The following DMD variants were observed in gnomAD, a reference collection of about 807,000 sequenced individuals.
DMD encodes the protein mutant dystrophin.
A neutral mutation model predicts 330.1 loss-of-function variants in DMD; 63 were observed. The ratio of observed to expected loss-of-function variants is 0.19; its 90% CI spans 0.16 to 0.24. The LOEUF is 0.24. Ranked by LOEUF, DMD falls within the 10% of genes least tolerant of loss-of-function variation. The pLI, the probability that DMD is intolerant of heterozygous loss-of-function variation, is 1.00. For synonymous variants in DMD, 1,223 were observed against 959.8 expected (o/e 1.27, Z -5.07); for missense variants, 3,344 against 2,684.1 (o/e 1.25, Z -5.43).
intron 2 of DMD, among the ~76,000 whole-genome samples, chrX:32,981,060 T>C (rs2092695642): frequency 9.0e-6 from 1 of 111,539 alleles, no homozygotes; most frequent in Non-Finnish European, 1.9e-5. Flanking sequence ...CTTTCTTAAT[T>C]GGAGTACATG....
intron 43 of DMD, among the ~76,000 whole-genome samples, chrX:32,268,626 T>C (rs1001070921): frequency 6.3e-5 from 7 of 111,630 alleles, no homozygotes; most frequent in Non-Finnish European, 1.3e-4. Context: ...CACATCCTTG[T>C]CTCAGGATTT....
chrX:32,838,619 TACC>T (rs1180288401), intron 4 of DMD, among the ~76,000 whole-genome samples: 3 of 112,049 alleles, frequency 2.7e-5, no homozygotes, highest in Non-Finnish European at 3.8e-5. Flanking sequence ...GGTGTATATG[TACC>T]ACATTTTCTT....
At chrX:31,140,335 G>C (rs1194349469) in intron 76 of DMD, among the ~76,000 whole-genome samples, 1 of 112,331 alleles carries the variant, frequency 8.9e-6, no homozygotes, top group Non-Finnish European at 1.9e-5. Flanking sequence ...TTAAAAAGGA[G>C]CTGTGTACAA....
rs1351121628 is a variant in DMD at position 32,342,108 on chromosome X, C to A, written c.5914G>T (p.Ala1972Ser). The A allele has an allele frequency of 3.3e-6, 4 of 1,208,104 alleles. No individual in the cohort carries two copies. Among genetic ancestry groups the A allele is most frequent in the Non-Finnish European group, 4.5e-6 (4 of 892,967 alleles). The change falls in exon 41 of 79, where the codon GCA becomes TCA. Residue 1972 changes from alanine (A) to serine (S), a missense_variant. By Grantham distance (99) the Ala-to-Ser change is moderately conservative. Transcript: ENST00000357033. ...KFAQFRRLNF[A>S]QIHTVREETM... is the part of the protein sequence containing the mutation. ...TGCCAGTAACAACTCACAATTTGTG[C>A]AAAGTTGAGTCTTCGAAACTGAGCA...
At chrX:32,674,188 G>A (rs1465939725) in intron 9 of DMD, among the ~76,000 whole-genome samples, 1 of 111,823 alleles carries the variant, frequency 8.9e-6, no homozygotes, top group Non-Finnish European at 1.9e-5. Flanking sequence ...TATAAATTTA[G>A]TTTAGTTTTA....
chrX:33,059,409 C>T (rs1372846456), intron 1 of DMD, among the ~76,000 whole-genome samples: 1 of 102,408 alleles, frequency 9.8e-6, no homozygotes, highest in African/African-American at 3.5e-5. Flanking sequence ...TCTCTCTCTC[C>T]AACTCCCAAA....
chrX:32,975,575 G>A (rs2092525975), intron 2 of DMD, among the ~76,000 whole-genome samples: 1 of 110,120 alleles, frequency 9.1e-6, no homozygotes, highest in Non-Finnish European at 1.9e-5. Context: ...AAGCATCTCT[G>A]GCACCCAGTC....
chrX:31,148,189 A>T (rs2036960646), intron 74 of DMD, among the ~76,000 whole-genome samples: 1 of 112,126 alleles, frequency 8.9e-6, no homozygotes, highest in East Asian at 2.8e-4. Flanking sequence ...AGCTTAAAAA[A>T]GATGCTGATG....
chrX:32,799,523 T>A lies in DMD; in HGVS notation c.649+9970A>T, dbSNP rs149707148. On this transcript the variant is annotated intron_variant, in intron 7 of 78. Transcript: ENST00000357033. Reference sequence around the variant, plus strand: ...TATCCCTGATTTTTTGTTTTATTCCTTTAAAGAGAACATCCTCACTTTGTT... The same window carrying A: ...TATCCCTGATTTTTTGTTTTATTCCATTAAAGAGAACATCCTCACTTTGTT... Among the ~76,000 whole-genome samples, 493 of 111,052 alleles carry A rather than the reference T, an allele frequency of 4.4e-3. 1 individual carries two copies. Among genetic ancestry groups the A allele is most frequent in the Non-Finnish European group, 7.9e-3 (416 of 52,929 alleles).
intron 7 of DMD, among the ~76,000 whole-genome samples, chrX:32,737,609 A>G (rs1336756441): frequency 1.8e-5 from 2 of 111,915 alleles, no homozygotes; most frequent in African/African-American, 3.2e-5. Flanking sequence ...CTTGGAAATT[A>G]AAAACATGTA....
intron 7 of DMD, among the ~76,000 whole-genome samples, chrX:32,798,702 T>C (rs750834761): frequency 8.9e-6 from 1 of 111,927 alleles, no homozygotes; most frequent in African/African-American, 3.2e-5. Context: ...GGATTTCTAG[T>C]TGAAATACCG....
At chrX:31,767,919 C>T (rs1294466499) in intron 51 of DMD, among the ~76,000 whole-genome samples, 1 of 111,819 alleles carries the variant, frequency 8.9e-6, no homozygotes, top group African/African-American at 3.2e-5. Context: ...ATACACTATA[C>T]CCACTAAAAC....
chrX:32,237,722 C>T (rs192865336), intron 43 of DMD, among the ~76,000 whole-genome samples: 8 of 111,807 alleles, frequency 7.2e-5, no homozygotes, highest in Admixed American at 9.5e-5. Context: ...AAATTTTCCA[C>T]GCATTTTTGA....
intron 44 of DMD, among the ~76,000 whole-genome samples, chrX:32,179,439 T>A (rs1052569981): frequency 7.1e-5 from 8 of 111,946 alleles, no homozygotes; most frequent in African/African-American, 2.6e-4. Flanking sequence ...ATTCACTAAA[T>A]CTGTTACTCT....
intron 44 of DMD, among the ~76,000 whole-genome samples, chrX:32,203,648 C>T (rs7066178): frequency 0.062 from 6,944 of 111,722 alleles, 551 homozygotes; most frequent in African/African-American, 0.21. Context: ...CAGCCCTTGC[C>T]ATACACAATC....
chrX:32,398,573 A>G (rs1205247411), intron 30 of DMD, among the ~76,000 whole-genome samples: 3 of 111,581 alleles, frequency 2.7e-5, no homozygotes, highest in African/African-American at 9.7e-5. Flanking sequence ...TCTTGACCAC[A>G]GAACCGTTTA....
intron 60 of DMD, among the ~76,000 whole-genome samples, chrX:31,419,634 C>T (rs754838004): frequency 1.4e-4 from 16 of 112,020 alleles, no homozygotes; most frequent in African/African-American, 1.9e-4. Flanking sequence ...GACCTTCTTC[C>T]TCTCTTATAG....
chrX:33,019,288 C>T (rs1052343483), intron 2 of DMD, among the ~76,000 whole-genome samples: 2 of 111,219 alleles, frequency 1.8e-5, no homozygotes, highest in Non-Finnish European at 3.8e-5. Flanking sequence ...ACTATCAAAA[C>T]TATGCCACTC....
chrX:33,303,940 C>A (rs1166351327), intron 1 of DMD, among the ~76,000 whole-genome samples: 10 of 111,481 alleles, frequency 9.0e-5, no homozygotes, highest in East Asian at 2.8e-4. Flanking sequence ...TATTTAATGT[C>A]TTTTGTTTCC....
Sources: allele counts gnomAD v4.1 joint callset (sites outside exome capture counted in the v4.1 genomes callset), GRCh38; gene constraint gnomAD v4.1.1; transcripts MANE v1.5; gene names NCBI Gene and HGNC (gene_info 2026-07-23, HGNC 2026-07-21).